The following ADAMTS14 variants were observed in gnomAD, a reference collection of about 807,000 sequenced individuals.
ADAMTS14 encodes A disintegrin and metalloproteinase with thrombospondin motifs 14.
Under a neutral mutation model 128.6 loss-of-function variants are expected in ADAMTS14, and 100 were observed. The observed-to-expected ratio is 0.78, with a 90% CI of 0.66 to 0.92. The LOEUF is 0.92. ADAMTS14 is among the 40% of genes least tolerant of loss of function. The pLI is 0.00. For missense variants in ADAMTS14, 1,562 were observed against 1,658.6 expected, an observed-to-expected ratio of 0.94 and a Z score of 1.01; for synonymous variants, 665 against 653.8, an observed-to-expected ratio of 1.02 and a Z score of -0.26.
intron 8 of ADAMTS14, 149 bp from the exon 9 acceptor site, chr10:70,735,020 C>G: frequency 1.0e-6 from 1 of 1,000,068 alleles, no homozygotes; most frequent in Non-Finnish European, 1.4e-6. Flanking sequence ...TCAAGGCAGC[C>G]CGTCCTCCCT....
chr10:70,691,498 A>C (rs867093538), intron 2 of ADAMTS14, among the ~76,000 whole-genome samples: 1,307 of 114,116 alleles, frequency 0.011, 67 homozygotes, highest in African/African-American at 0.033. Flanking sequence ...AAAAAAAAAA[A>C]AAAAAAAAAA....
At chr10:70,736,293 A>G (rs77645431) in intron 9 of ADAMTS14, among the ~76,000 whole-genome samples, 1,639 of 152,048 alleles carry the variant, frequency 0.011, 34 homozygotes, top group African/African-American at 0.038. Flanking sequence ...TGGGCTGGAA[A>G]GCAGCAGTCC....
intron 2 of ADAMTS14, among the ~76,000 whole-genome samples, chr10:70,688,219 C>T (rs1292072602): frequency 4.3e-4 from 21 of 48,762 alleles, no homozygotes; most frequent in South Asian, 1.6e-3. Flanking sequence ...GCGCTCCTCA[C>T]ATCCCAGATG....
At chr10:70,743,492 C>G in intron 12 of ADAMTS14, 56 bp from the exon 13 acceptor site, 1 of 1,590,380 alleles carries the variant, frequency 6.3e-7, no homozygotes, top group South Asian at 1.1e-5. Flanking sequence ...CTGATCTGTC[C>G]TGGGCCACTT....
At position 70,730,212 on chromosome 10, in the gene ADAMTS14, C is replaced by T. The variant is rs764564782; in HGVS notation, c.1065C>T (p.His355=). ...QDPSHAEHHD[H]VVFLTRQDFG... is the part of the protein sequence containing the mutation. ...CCAGCCACGCTGAGCACCATGACCA[C>T]GTTGTGTTCCTCACCCGGCAGGACT... is the stretch of plus-strand genomic sequence containing the variant. Residue 355 remains histidine (H), a synonymous_variant, in exon 6 of 22, where the codon CAC becomes CAT. Coordinates refer to ENST00000373207, the MANE Select transcript of ADAMTS14 (RefSeq NM_080722.4). The T allele has an allele frequency of 1.6e-5, 26 of 1,613,992 alleles. No homozygotes were observed. Among genetic ancestry groups the T allele is most frequent in the Non-Finnish European group, 2.0e-5 (24 of 1,180,018 alleles).
chr10:70,733,745 G>A, intron 7 of ADAMTS14, 140 bp from the exon 8 acceptor site: 1 of 1,090,424 alleles, frequency 9.2e-7, no homozygotes, highest in South Asian at 1.7e-5. Flanking sequence ...CCCACTACGT[G>A]GTTGGAAAAC....
chr10:70,737,960 G>A (rs1841878819), intron 10 of ADAMTS14, among the ~76,000 whole-genome samples: 1 of 152,186 alleles, frequency 6.6e-6, no homozygotes, highest in Admixed American at 6.5e-5. Flanking sequence ...TCATCGCATT[G>A]CATACTTGAA....
At chr10:70,713,067 G>A (rs375426479) in intron 4 of ADAMTS14, among the ~76,000 whole-genome samples, 67 of 152,336 alleles carry the variant, frequency 4.4e-4, no homozygotes, top group Non-Finnish European at 7.3e-4. Context: ...GGACCACAAA[G>A]TTGTCTTGGG....
At chr10:70,735,839 A>G (rs1474768010) in intron 9 of ADAMTS14, among the ~76,000 whole-genome samples, 1 of 152,178 alleles carries the variant, frequency 6.6e-6, no homozygotes, top group African/African-American at 2.4e-5. Flanking sequence ...GTCCCCTAGG[A>G]GAGAACTCAG....
intron 15 of ADAMTS14, among the ~76,000 whole-genome samples, chr10:70,747,900 G>A (rs1282747387): frequency 6.6e-6 from 1 of 152,116 alleles, no homozygotes; most frequent in African/African-American, 2.4e-5. Context: ...GTGCATGCAC[G>A]TGTAGGGGTG....
Position 70,674,410 on chromosome 10 carries a change from G to A in ADAMTS14, c.83-146G>A, listed in dbSNP as rs149578213. ...GAATCCTGGAGCTCAGGAAGCAATG[G>A]ATGGAAAATGGGTGAACTCAGGCTA... On this transcript the variant is annotated intron_variant, in intron 1 of 21. Coordinates refer to ENST00000373207, the MANE Select transcript of ADAMTS14 (RefSeq NM_080722.4). 2.2e-3 allele frequency: 1,689 copies of A among 756,584 alleles called. 4 individuals carry two copies. Among genetic ancestry groups the A allele is most frequent in the Non-Finnish European group, 3.1e-3 (1,447 of 469,544 alleles). The allele number at this position is 756,584 out of a possible 1,614,324, so 46.9% of individuals were successfully genotyped here.
chr10:70,695,475 C>A (rs1330212259), intron 2 of ADAMTS14, among the ~76,000 whole-genome samples: 1 of 152,160 alleles, frequency 6.6e-6, no homozygotes, highest in Non-Finnish European at 1.5e-5. Flanking sequence ...GAATCAGAGA[C>A]AACAGCCCCG....
chr10:70,728,988 G>C (rs1461874230), intron 4 of ADAMTS14, among the ~76,000 whole-genome samples: 1 of 152,206 alleles, frequency 6.6e-6, no homozygotes, highest in Admixed American at 6.5e-5. Flanking sequence ...GGAAAGATGA[G>C]TCTTGGTCAG....
rs554776859 is a variant in ADAMTS14 at position 70,760,703 on chromosome 10, A to G, written c.3522A>G (p.Gly1174=). The G allele has an allele frequency of 1.4e-5, 23 of 1,614,086 alleles. No individual in the cohort carries two copies. Among genetic ancestry groups the G allele is most frequent in the Non-Finnish European group, 1.9e-5 (22 of 1,179,976 alleles). ...HPFAPETPIP[G]ASWSISPTTP... ...TTGCCCCTGAGACACCAATCCCTGG[A>G]GCATCCTGGAGCATCTCCCCTACCA... Residue 1174 remains glycine, a synonymous_variant, in exon 22 of 22, where the codon GGA becomes GGG. Coordinates refer to ENST00000373207, the MANE Select transcript of ADAMTS14 (RefSeq NM_080722.4).
intron 4 of ADAMTS14, among the ~76,000 whole-genome samples, chr10:70,715,968 T>C (rs530463450): frequency 8.5e-5 from 13 of 152,296 alleles, no homozygotes; most frequent in Admixed American, 8.5e-4. Context: ...GAAGGCAGGC[T>C]CAGTAACCCA....
In ADAMTS14 at chr10:70,753,862, G is replaced by C; in HGVS notation, c.2792G>C (p.Arg931Pro). 6.3e-7 allele frequency: 1 copy of C among 1,593,980 alleles called. No individual in the cohort carries two copies. The highest frequency in any genetic ancestry group is 1.2e-5 in the South Asian group (1 of 86,916). The change falls in exon 19 of 22, where the codon CGG becomes CCG. Residue 931 changes from arginine to proline, a missense_variant. Coordinates refer to ENST00000373207, the MANE Select transcript of ADAMTS14 (RefSeq NM_080722.4). ...TGTGGGAAGCTGGGGGTGCAGACACGGGGGATACAGTGCCTGCTGCCCCTC... is the reference window on the plus strand; with the variant it reads ...TGTGGGAAGCTGGGGGTGCAGACACCGGGGATACAGTGCCTGCTGCCCCTC... The part of the protein sequence containing the change: ...RSCGKLGVQT[R>P]GIQCLLPLSN...
In ADAMTS14 at chr10:70,760,978, T is replaced by C. The variant is rs796639517; in HGVS notation, c.*125T>C. The C allele has an allele frequency of 8.2e-6, 11 of 1,333,790 alleles. No homozygotes were observed. The African/African-American group carries it at 1.6e-4, about 20-fold the overall frequency. The allele number at this position is 1,333,790 out of a possible 1,614,324, so 82.6% of individuals were successfully genotyped here. A position where few individuals can be genotyped will look rare whatever the true frequency, so the allele number is the denominator to read the frequency against. ...CTTCATTTTAAATCATTCGCCTTCT[T>C]CTCGTTTGGGGCTGTGATGCTCTTT... On this transcript the variant is annotated 3_prime_UTR_variant, in exon 22 of 22. Transcript: ENST00000373207.
At chr10:70,708,302 G>C (rs574501739) in intron 3 of ADAMTS14, among the ~76,000 whole-genome samples, 4 of 152,184 alleles carry the variant, frequency 2.6e-5, no homozygotes. Flanking sequence ...GGCCTGGGAC[G>C]CCCACAGAGA....
At position 70,702,389 on chromosome 10, in the gene ADAMTS14, C is replaced by T. The variant is rs746335847; in HGVS notation, c.600C>T (p.Ser200=). The T allele has an allele frequency of 2.1e-5, 34 of 1,613,946 alleles. No homozygotes were observed. The African/African-American group carries it at 2.3e-4, about 11-fold the overall frequency. Reference sequence around the variant, plus strand: ...GGGGCCAGCAGGAGAAGGAGGCCAGCGGGAGGACACATGTGGTGTACCGCC... The same window carrying T: ...GGGGCCAGCAGGAGAAGGAGGCCAGTGGGAGGACACATGTGGTGTACCGCC... ...LERGQQEKEA[S]GRTHVVYRRE... Residue 200 remains serine, a synonymous_variant, in exon 3 of 22, where the codon AGC becomes AGT. Coordinates refer to ENST00000373207, the MANE Select transcript of ADAMTS14 (RefSeq NM_080722.4).
Sources: gnomAD v4.1 joint callset for allele counts (sites outside exome capture counted in the v4.1 genomes callset) on GRCh38, gnomAD v4.1.1 for gene constraint, MANE v1.5 for transcripts, NCBI Gene and HGNC (gene_info 2026-07-23, HGNC 2026-07-21) for gene names.